Variants in CASK observed in about 807,000 individuals in gnomAD.
CASK encodes peripheral plasma membrane protein CASK.
CASK carries 4 observed loss-of-function variants against 82.9 expected under a neutral mutation model. The observed-to-expected ratio is 0.05, with a 90% confidence interval of 0.02 to 0.11. CASK has a LOEUF of 0.11. Ranked by LOEUF, CASK falls within the 10% of genes least tolerant of loss-of-function variation. The pLI, the probability that CASK is intolerant of heterozygous loss-of-function variation, is 1.00. For missense variants in CASK, 358 were observed against 720.9 expected, an observed-to-expected ratio of 0.50 and a Z score of 5.76; for synonymous variants, 259 against 253.5, an observed-to-expected ratio of 1.02 and a Z score of -0.20.
At chrX:41,749,008 G>A (rs957225973) in intron 3 of CASK, among the ~76,000 whole-genome samples, 1 of 111,649 alleles carries the variant, frequency 9.0e-6, no homozygotes. Flanking sequence ...TGTAGGGCCG[G>A]ACACAGTGGC....
intron 5 of CASK, among the ~76,000 whole-genome samples, chrX:41,684,135 G>C (rs1220825689): frequency 8.9e-6 from 1 of 112,360 alleles, no homozygotes; most frequent in Non-Finnish European, 1.9e-5. Context: ...ATGCTAACTT[G>C]TGAGTGGAAG....
intron 11 of CASK, among the ~76,000 whole-genome samples, chrX:41,612,229 C>T (rs12399908): frequency 9.6e-6 from 1 of 103,830 alleles, no homozygotes; most frequent in Non-Finnish European, 2.0e-5. Flanking sequence ...ATCTCTGCCC[C>T]GCCGCCATCC....
chrX:41,841,969 C>T (rs2071048801), intron 2 of CASK, among the ~76,000 whole-genome samples: 1 of 111,572 alleles, frequency 9.0e-6, no homozygotes, highest in Admixed American at 9.5e-5. Context: ...AAGATTTATG[C>T]CTATGTTTTC....
chrX:41,535,102 G>T, intron 22 of CASK, 129 bp from the exon 23 acceptor site: 1 of 470,533 alleles, frequency 2.1e-6, no homozygotes. Flanking sequence ...TCCAACTTAT[G>T]ATATATGGCT....
chrX:41,534,645 A>G, intron 24 of CASK, 61 bp downstream of exon 24: 1 of 907,636 alleles, frequency 1.1e-6, no homozygotes, highest in Non-Finnish European at 1.6e-6. Context: ...AAATACATAA[A>G]TTATAGAGTT....
At chrX:41,877,987 A>C (rs1011976501) in intron 1 of CASK, among the ~76,000 whole-genome samples, 6 of 107,008 alleles carry the variant, frequency 5.6e-5, no homozygotes, top group Non-Finnish European at 1.2e-4. Context: ...GGAAAGAAAC[A>C]AAAAAAAATA....
intron 1 of CASK, among the ~76,000 whole-genome samples, chrX:41,919,576 T>C (rs2072750464): frequency 8.9e-6 from 1 of 112,546 alleles, no homozygotes; most frequent in Non-Finnish European, 1.9e-5. Context: ...GACATAAAAA[T>C]TAGTCATTAA....
intron 2 of CASK, among the ~76,000 whole-genome samples, chrX:41,828,500 C>T (rs1217527747): frequency 8.9e-6 from 1 of 111,867 alleles, no homozygotes; most frequent in Admixed American, 9.5e-5. Context: ...ATTATAGAGA[C>T]AAATTGGTGA....
chrX:41,823,033 C>T (rs900995341), intron 2 of CASK, among the ~76,000 whole-genome samples: 2 of 74,612 alleles, frequency 2.7e-5, no homozygotes, highest in Admixed American at 1.8e-4. Context: ...TTAGCCTCAG[C>T]GGGGGTGGGG....
Position 41,534,903 on chromosome X carries a change from T to C in CASK, c.2226A>G (p.Leu742=). The part of the protein sequence containing the change: ...VKLPAFKRKT[L]VLLGAHGVGR... ...CACAATCAAACTTACCTAATAAGAC[T>C]AGTGTTTTCCTCTTGAATGCTGGCA... Residue 742 remains leucine, a synonymous_variant, in exon 23 of 27, where the codon CTA becomes CTG. Coordinates refer to ENST00000378163, the MANE Select transcript of CASK (RefSeq NM_001367721.1). 7.6e-6 allele frequency: 9 copies of C among 1,189,141 alleles called. No homozygotes were observed. The highest frequency in any genetic ancestry group is 9.1e-6 in the Non-Finnish European group (8 of 874,905).
At chrX:41,867,380 C>G (rs2071611015) in intron 1 of CASK, among the ~76,000 whole-genome samples, 1 of 112,173 alleles carries the variant, frequency 8.9e-6, no homozygotes, top group Non-Finnish European at 1.9e-5. Context: ...CTTACATTAG[C>G]ATAGTTACAT....
intron 2 of CASK, among the ~76,000 whole-genome samples, chrX:41,794,110 C>CT (rs886660220): frequency 8.9e-6 from 1 of 111,825 alleles, no homozygotes; most frequent in African/African-American, 3.2e-5. Flanking sequence ...ATTTTGTTGT[C>CT]TTTTTTCACA....
intron 1 of CASK, among the ~76,000 whole-genome samples, chrX:41,884,188 C>T (rs2072005656): frequency 8.9e-6 from 1 of 112,093 alleles, no homozygotes; most frequent in Admixed American, 9.4e-5. Flanking sequence ...CTTTGCTTTT[C>T]CTGCCCAATA....
In CASK at chrX:41,783,565, C is replaced by A. The variant is rs777936222; in HGVS notation, c.278+3613G>T. Among the ~76,000 whole-genome samples, 248 of 102,083 alleles carry A rather than the reference C, an allele frequency of 2.4e-3. 1 individual carries two copies. The highest frequency in any genetic ancestry group is 7.5e-3 in the African/African-American group (207 of 27,568). The allele number at this position is 102,083 out of a possible 115,157, so 88.6% of individuals were successfully genotyped here. A position where few individuals can be genotyped will look rare whatever the true frequency, so the allele number is the denominator to read the frequency against. On this transcript the variant is annotated intron_variant, in intron 3 of 26. Coordinates refer to ENST00000378163, the MANE Select transcript of CASK (RefSeq NM_001367721.1). ...CTCTGTCTCAAAAAAAAAAAAAAAA[C>A]AAAAGAATTACAATATCTTAAAATT...
intron 5 of CASK, among the ~76,000 whole-genome samples, chrX:41,735,957 T>G (rs992475003): frequency 1.8e-5 from 2 of 111,672 alleles, no homozygotes; most frequent in African/African-American, 3.3e-5. Flanking sequence ...GTTCATTTGT[T>G]TACTGAGTAT....
At chrX:41,604,489 C>T (rs994475028) in intron 12 of CASK, among the ~76,000 whole-genome samples, 1 of 107,960 alleles carries the variant, frequency 9.3e-6, no homozygotes, top group African/African-American at 3.4e-5. Flanking sequence ...CCACCAGAAA[C>T]TGGAAAAGAC....
intron 2 of CASK, among the ~76,000 whole-genome samples, chrX:41,793,919 T>C (rs1569451033): frequency 8.9e-6 from 1 of 111,878 alleles, no homozygotes. Flanking sequence ...CCCAGCTGCC[T>C]TTGGCAACAA....
At chrX:41,582,556 G>A (rs907675911) in intron 14 of CASK, among the ~76,000 whole-genome samples, 12 of 110,553 alleles carry the variant, frequency 1.1e-4, no homozygotes, top group African/African-American at 2.0e-4. Flanking sequence ...CTCGTGATCC[G>A]TCCACCTTGG....
chrX:41,593,067 A>C (rs963082493), intron 12 of CASK, among the ~76,000 whole-genome samples: 1 of 111,824 alleles, frequency 8.9e-6, no homozygotes, highest in African/African-American at 3.3e-5. Flanking sequence ...CAGTGGAAGT[A>C]GTGGCAGGAT....
Sources: gnomAD v4.1 joint callset for allele counts (sites outside exome capture counted in the v4.1 genomes callset) on GRCh38, gnomAD v4.1.1 for gene constraint, MANE v1.5 for transcripts, NCBI Gene and HGNC (gene_info 2026-07-23, HGNC 2026-07-21) for gene names.